The following RPS13 variants were observed in gnomAD, a reference collection of about 807,000 sequenced individuals.
The protein encoded by RPS13 is ribosomal protein S13.
Under a neutral mutation model 24.6 loss-of-function variants are expected in RPS13, and 1 was observed. The ratio of observed to expected loss-of-function variants is 0.04; its 90% CI spans 0.01 to 0.19. The LOEUF (loss-of-function observed/expected upper bound fraction) is 0.19. Among genes scored for constraint, RPS13 ranks in the 10% least tolerant of loss-of-function variants. The pLI, the probability that RPS13 is intolerant of heterozygous loss-of-function variation, is 1.00. For missense variants in RPS13, 88 were observed against 187.4 expected (o/e 0.47, Z 3.10); for synonymous variants, 69 against 65.3 (o/e 1.06, Z -0.27).
At position 17,077,633 on chromosome 11, in the gene RPS13, G is replaced by T. The variant is rs547970851; in HGVS notation, c.9C>A (p.Arg3=). Residue 3 remains arginine (R), a synonymous_variant, in exon 1 of 6, where the codon CGC becomes CGA. Coordinates refer to ENST00000525634, the MANE Select transcript of RPS13 (RefSeq NM_001017.3). ...CCCGAGCTCACCCGGGAGCATGCATGCGACCCATGATGGCGGCGATCAGGC... is the reference window on the plus strand; with the variant it reads ...CCCGAGCTCACCCGGGAGCATGCATTCGACCCATGATGGCGGCGATCAGGC... The part of the protein sequence containing the change: MG[R]MHAPGKGLSQ... 6.8e-6 allele frequency: 11 copies of T among 1,610,744 alleles called. No individual in the cohort carries two copies. The highest frequency in any genetic ancestry group is 9.3e-6 in the Non-Finnish European group (11 of 1,179,712).
intron 5 of RPS13, 103 bp downstream of exon 5, chr11:17,074,994 A>G (rs767196595): frequency 2.5e-6 from 2 of 791,622 alleles, no homozygotes; most frequent in Non-Finnish European, 4.2e-6. Context: ...AAGGCTGAAC[A>G]TATTTACTAC....
At chr11:17,074,976 T>C (rs972822543) in intron 5 of RPS13, 121 bp downstream of exon 5, 10 of 695,020 alleles carry the variant, frequency 1.4e-5, no homozygotes, top group Non-Finnish European at 2.5e-5. Flanking sequence ...GTTAACAAAA[T>C]AGCCCCCAAG....
chr11:17,077,118 A>G lies in RPS13; in HGVS notation c.151+50T>C. On this transcript the variant is annotated intron_variant, in intron 3 of 5. Coordinates refer to ENST00000525634, the MANE Select transcript of RPS13 (RefSeq NM_001017.3). ...AACTTTACCACCTACTAGATCCTACAAGTCACACGAGGACAGGCGAAATAG... is the reference window on the plus strand; with the variant it reads ...AACTTTACCACCTACTAGATCCTACGAGTCACACGAGGACAGGCGAAATAG... The G allele has an allele frequency of 2.9e-6, 4 of 1,371,560 alleles. No individual in the cohort carries two copies. The East Asian group carries it at 9.2e-5, about 32-fold the overall frequency. The allele number at this position is 1,371,560 out of a possible 1,614,324, so 85.0% of individuals were successfully genotyped here. A position where few individuals can be genotyped will look rare whatever the true frequency, so the allele number is the denominator to read the frequency against.
Position 17,077,642 on chromosome 11 carries a change from G to A in RPS13, c.-1C>T, listed in dbSNP as rs1045766830. ...ACCCGGGAGCATGCATGCGACCCAT[G>A]ATGGCGGCGATCAGGCAACGAAAGG... On this transcript the variant is annotated 5_prime_UTR_variant, in exon 1 of 6. Coordinates refer to ENST00000525634, the MANE Select transcript of RPS13 (RefSeq NM_001017.3). 6 of 1,611,526 alleles carry A rather than the reference G, an allele frequency of 3.7e-6. No homozygotes were observed. The highest frequency in any genetic ancestry group is 3.4e-5 in the Admixed American group (2 of 59,462).
chr11:17,076,956 T>C lies in RPS13; in HGVS notation c.151+212A>G, dbSNP rs1247345253. 6.0e-5 allele frequency: 34 copies of C among 567,368 alleles called. No homozygotes were observed. In the Admixed American group the frequency reaches 1.0e-3, roughly 17 times the overall value. The allele number at this position is 567,368 out of a possible 1,614,324, so 35.1% of individuals were successfully genotyped here. On this transcript the variant is annotated intron_variant, in intron 3 of 5. Transcript: ENST00000525634. ...GGCAGTGTGCCTCTGCTTCCTCAAC[T>C]GTAAACTGGGGTGAAAGCCATGAAG...
At position 17,075,077 on chromosome 11, in the gene RPS13, A is replaced by T; in HGVS notation, c.422+20T>A. 6.6e-7 allele frequency: 1 copy of T among 1,525,506 alleles called. No homozygotes were observed. Among genetic ancestry groups the T allele is most frequent in the Non-Finnish European group, 9.0e-7 (1 of 1,111,326 alleles). 94.5% of individuals were successfully genotyped at this position (1,525,506 alleles called of 1,614,324 possible). A position where few individuals can be genotyped will look rare whatever the true frequency, so the allele number is the denominator to read the frequency against. Reference sequence around the variant, plus strand: ...CTGACTCCTATTCTTGATAACAACGACAAAAGAGTTGATACTTACTATTTC... The same window carrying T: ...CTGACTCCTATTCTTGATAACAACGTCAAAAGAGTTGATACTTACTATTTC... On this transcript the variant is annotated intron_variant, in intron 5 of 5. Transcript: ENST00000525634.
At chr11:17,074,715 C>T (rs1042019396) in intron 5 of RPS13, 13 of 684,556 alleles carry the variant, frequency 1.9e-5, no homozygotes, top group Non-Finnish European at 3.5e-5. Flanking sequence ...GTGGAAACTG[C>T]GAATGTCTGG....
intron 3 of RPS13, chr11:17,076,169 C>T: frequency 4.4e-6 from 1 of 226,932 alleles, no homozygotes. Context: ...AGTGGATCAT[C>T]TGAGGTCAGG....
chr11:17,075,841 G>A (rs985585526), intron 3 of RPS13: 23 of 652,346 alleles, frequency 3.5e-5, no homozygotes, highest in African/African-American at 3.4e-4. Context: ...TGGAAACTGC[G>A]AATGTTGGAA....
rs79675436 is a variant in RPS13 at position 17,074,829 on chromosome 11, G to A, written c.422+268C>T. 2,889 of 650,994 alleles carry A rather than the reference G, an allele frequency of 4.4e-3. 65 individuals are homozygous for A. The African/African-American group carries it at 0.047, about 10-fold the overall frequency. 40.3% of individuals were successfully genotyped at this position (650,994 alleles called of 1,614,324 possible). A position where few individuals can be genotyped will look rare whatever the true frequency, so the allele number is the denominator to read the frequency against. On this transcript the variant is annotated intron_variant, in intron 5 of 5. Transcript: ENST00000525634. ...CCTACTATCTAAAAGAGAGTCAAAGGGCTTATTCATGGTCTAAATCTGGGG... is the reference window on the plus strand; with the variant it reads ...CCTACTATCTAAAAGAGAGTCAAAGAGCTTATTCATGGTCTAAATCTGGGG...
chr11:17,075,360 G>A (rs1479971646), intron 4 of RPS13, 94 bp downstream of exon 4: 2 of 1,108,088 alleles, frequency 1.8e-6, no homozygotes, highest in East Asian at 2.4e-5. Context: ...TGTGTACTAA[G>A]CCTTGGATAA....
rs778226926 is a variant in RPS13, at chr11:17,074,428, C to T, written c.*5G>A. Reference sequence around the variant, plus strand: ...TCATTTTATTGCTTGAGTACACAGACAAATTTATGCGACCAGGGCAGAGGC... The same window carrying T: ...TCATTTTATTGCTTGAGTACACAGATAAATTTATGCGACCAGGGCAGAGGC... On this transcript the variant is annotated 3_prime_UTR_variant, in exon 6 of 6. Transcript: ENST00000525634. The T allele has an allele frequency of 6.2e-7, 1 of 1,609,004 alleles. No homozygotes were observed. Among genetic ancestry groups the T allele is most frequent in the Non-Finnish European group, 8.5e-7 (1 of 1,175,636 alleles).
chr11:17,076,061 A>G, intron 3 of RPS13: 1 of 293,062 alleles, frequency 3.4e-6, no homozygotes, highest in East Asian at 9.8e-5. Context: ...TACAAGCTCC[A>G]GGAGTACAGA....
chr11:17,077,328 G>A, intron 2 of RPS13, 82 bp from the exon 3 acceptor site: 1 of 1,575,648 alleles, frequency 6.3e-7, no homozygotes, highest in Non-Finnish European at 8.7e-7. Context: ...CCGCAAAACC[G>A]CGCTCCTCAT....
intron 3 of RPS13, 107 bp from the exon 4 acceptor site, chr11:17,075,730 G>A (rs1590880367): frequency 1.2e-6 from 1 of 861,118 alleles, no homozygotes; most frequent in Admixed American, 2.0e-5. Flanking sequence ...GTAAGATGGG[G>A]GTATACTTTT....
At chr11:17,077,387 A>AC (rs1354332839) in intron 2 of RPS13, 42 bp downstream of exon 2, 2 of 1,596,264 alleles carry the variant, frequency 1.3e-6, no homozygotes, top group Middle Eastern at 1.7e-4. Flanking sequence ...ACAAATGCCA[A>AC]CCCCCTCCCC....
intron 1 of RPS13, 45 bp from the exon 2 acceptor site, chr11:17,077,522 G>A (rs1424913712): frequency 2.5e-6 from 4 of 1,613,210 alleles, no homozygotes; most frequent in Admixed American, 3.3e-5. Context: ...GCTAGTGCCA[G>A]AGCAGCCCAG....
intron 3 of RPS13, chr11:17,075,863 C>T: frequency 1.6e-6 from 1 of 626,784 alleles, no homozygotes; most frequent in Non-Finnish European, 3.0e-6. Flanking sequence ...ACCATCATCA[C>T]AGTGAGCTTG....
intron 3 of RPS13, chr11:17,076,726 GGA>G: frequency 3.1e-6 from 1 of 318,374 alleles, no homozygotes; most frequent in South Asian, 2.4e-5. Flanking sequence ...CGGGGGAGTC[GGA>G]GAGTAGTATG....
Sources: gnomAD v4.1 joint callset for allele counts on GRCh38, gnomAD v4.1.1 for gene constraint, MANE v1.5 for transcripts, NCBI Gene and HGNC (gene_info 2026-07-23, HGNC 2026-07-21) for gene names.